TMEM254: variants seen among roughly 807,000 people sequenced by gnomAD.
TMEM254 encodes transmembrane protein C10orf57.
A neutral mutation model predicts 13.9 loss-of-function variants in TMEM254; 16 were observed. The observed-to-expected ratio is 1.15, with a 90% CI of 0.78 to 1.75. The LOEUF is 1.75. TMEM254 is among the 40% of genes most tolerant of loss of function. The pLI is 0.00. For missense variants in TMEM254, 155 were observed against 149.0 expected (o/e 1.04, Z -0.21); for synonymous variants, 61 against 56.4 (o/e 1.08, Z -0.36).
At chr10:80,088,202 G>T (rs904098689) in intron 3 of TMEM254, among the ~76,000 whole-genome samples, 4 of 151,798 alleles carry the variant, frequency 2.6e-5, no homozygotes, top group African/African-American at 9.7e-5. Context: ...TGTTCCATTG[G>T]CCTGTTTATC....
At chr10:80,080,198 T>C (rs1843915128) in intron 1 of TMEM254, among the ~76,000 whole-genome samples, 2 of 152,240 alleles carry the variant, frequency 1.3e-5, no homozygotes, top group South Asian at 4.1e-4. Context: ...AGCTGGCAGA[T>C]GCTCCCCTTT....
intron 1 of TMEM254, 115 bp downstream of exon 1, chr10:80,078,901 C>A: frequency 6.6e-7 from 1 of 1,521,928 alleles, no homozygotes; most frequent in Non-Finnish European, 8.9e-7. Flanking sequence ...ACAATCCCGA[C>A]TCCCGCGCGC....
At chr10:80,084,690 G>A (rs1397318970) in intron 3 of TMEM254, among the ~76,000 whole-genome samples, 1 of 152,160 alleles carries the variant, frequency 6.6e-6, no homozygotes, top group Non-Finnish European at 1.5e-5. Flanking sequence ...CTGCAGCATC[G>A]CAGTAGAATC....
rs974693946 is a variant in TMEM254 at position 80,090,854 on chromosome 10, C to A, written c.309C>A (p.Phe103Leu). Residue 103 changes from phenylalanine to leucine, a missense_variant, in exon 4 of 4, where the codon TTC becomes TTA. By Grantham distance (22) the Phe-to-Leu change is conservative. Coordinates refer to ENST00000372281, the MANE Select transcript of TMEM254 (RefSeq NM_025125.4). ...TACTCTGGTTCCTACAGACTTTCTT[C>A]TTTGGGATAGCGTCTCTCACCATCT... ...AQLLWFLQTF[F>L]FGIASLTILI... 3.1e-6 allele frequency: 5 copies of A among 1,614,050 alleles called. No individual in the cohort carries two copies. In the Admixed American group the frequency reaches 8.3e-5, roughly 27 times the overall value.
chr10:80,078,877 G>A, intron 1 of TMEM254, 91 bp downstream of exon 1: 2 of 1,534,324 alleles, frequency 1.3e-6, no homozygotes, highest in South Asian at 1.2e-5. Context: ...CGGGCCGGGG[G>A]AAGTCGTGCA....
intron 3 of TMEM254, among the ~76,000 whole-genome samples, chr10:80,084,388 A>C (rs1844208757): frequency 1.3e-5 from 2 of 152,140 alleles, no homozygotes; most frequent in Non-Finnish European, 2.9e-5. Context: ...GGTCCCTTTT[A>C]AACCTACTCA....
At position 80,090,953 on chromosome 10, in the gene TMEM254, A is replaced by G; in HGVS notation, c.*36A>G. On this transcript the variant is annotated 3_prime_UTR_variant, in exon 4 of 4. Transcript: ENST00000372281. The stretch of plus-strand genomic sequence containing the variant: ...AAGCTTGCTCTACACTTTTACATTC[A>G]TCCTCACCCTTTTTTTTGTGGGGTA... The G allele has an allele frequency of 6.2e-7, 1 of 1,606,642 alleles. No individual in the cohort carries two copies. Among genetic ancestry groups the G allele is most frequent in the Non-Finnish European group, 8.5e-7 (1 of 1,177,588 alleles).
rs772689268 is a variant in TMEM254 at position 80,081,838 on chromosome 10, C to G, written c.88-3C>G. 6.2e-7 allele frequency: 1 copy of G among 1,614,082 alleles called. No individual in the cohort carries two copies. Among genetic ancestry groups the G allele is most frequent in the South Asian group, 1.1e-5 (1 of 91,042 alleles). On this transcript the variant is annotated splice_region_variant and splice_polypyrimidine_tract_variant and intron_variant, in intron 1 of 3. Coordinates refer to ENST00000372281, the MANE Select transcript of TMEM254 (RefSeq NM_025125.4). ...GTATTCTGTGTCTCTGCTTCTCTTTCAGTGGGTTGTCTTCTGGCCTCAGAG... is the reference window on the plus strand; with the variant it reads ...GTATTCTGTGTCTCTGCTTCTCTTTGAGTGGGTTGTCTTCTGGCCTCAGAG...
rs181229645 is a variant in TMEM254 at position 80,085,965 on chromosome 10, G to T, written c.251+3761G>T. On this transcript the variant is annotated intron_variant, in intron 3 of 3. Transcript: ENST00000372281. ...GGTTTTTAAGGTTTTGCAAAAATTT[G>T]TATGTAGAGTAGATTTTATTACAGT... Among the ~76,000 whole-genome samples, 1,127 of 152,268 alleles carry T rather than the reference G, an allele frequency of 7.4e-3. 3 individuals are homozygous for T. The highest frequency in any genetic ancestry group is 0.013 in the Non-Finnish European group (858 of 68,010).
In TMEM254 at chr10:80,081,892, G is replaced by A. The variant is rs781511089; in HGVS notation, c.139G>A (p.Gly47Ser). 1.2e-6 allele frequency: 2 copies of A among 1,613,998 alleles called. No individual in the cohort carries two copies. Among genetic ancestry groups the A allele is most frequent in the Admixed American group, 1.7e-5 (1 of 59,982 alleles). The change falls in exon 2 of 4, where the codon GGC (glycine) becomes AGC (serine). Residue 47 changes from glycine (G) to serine (S), a missense_variant. By Grantham distance (56) the Gly-to-Ser change is moderately conservative. Transcript: ENST00000372281. ...CCCTTATCAGAACCTTGGGCCCCTG[G>A]GCCCCTTCACTCAGTACTTGGTGGA... ...SIPYQNLGPL[G>S]PFTQYLVDHH... is the part of the protein sequence containing the mutation.
chr10:80,089,752 C>CCT (rs1844487346), intron 3 of TMEM254, among the ~76,000 whole-genome samples: 1 of 152,002 alleles, frequency 6.6e-6, no homozygotes, highest in Non-Finnish European at 1.5e-5. Context: ...GCCTGTAATA[C>CCT]CAGCACTTTG....
intron 1 of TMEM254, among the ~76,000 whole-genome samples, chr10:80,080,478 G>A (rs1466057191): frequency 6.6e-6 from 1 of 152,132 alleles, no homozygotes; most frequent in East Asian, 1.9e-4. Context: ...TCTATGCAGT[G>A]GATCATTCTC....
In TMEM254 at chr10:80,081,777, A is replaced by G. The variant is rs752417685; in HGVS notation, c.88-64A>G. On this transcript the variant is annotated intron_variant, in intron 1 of 3. Transcript: ENST00000372281. Reference sequence around the variant, plus strand: ...TACTGTTTCACAGCCTTTCTCAAAAACAAAAACAAAAAACAGGTTTTAAGT... The same window carrying G: ...TACTGTTTCACAGCCTTTCTCAAAAGCAAAAACAAAAAACAGGTTTTAAGT... 2.5e-6 allele frequency: 4 copies of G among 1,609,312 alleles called. No homozygotes were observed. The Admixed American group carries it at 6.8e-5, about 27-fold the overall frequency.
intron 1 of TMEM254, chr10:80,081,495 C>A: frequency 1.7e-6 from 1 of 604,594 alleles, no homozygotes; most frequent in Admixed American, 3.0e-5. Flanking sequence ...AGTGAGACCC[C>A]ATCTCTATAT....
chr10:80,086,796 G>A (rs1333920147), intron 3 of TMEM254, among the ~76,000 whole-genome samples: 8 of 146,648 alleles, frequency 5.5e-5, no homozygotes, highest in Admixed American at 2.8e-4. Context: ...AGCCGAGATC[G>A]CACGACTGCA....
Position 80,078,772 on chromosome 10 carries a change from T to C in TMEM254, c.73T>C (p.Phe25Leu). The change falls in exon 1 of 4, where the codon TTT becomes CTT. Residue 25 changes from phenylalanine to leucine, a missense_variant. By Grantham distance (22) the Phe-to-Leu change is conservative. Coordinates refer to ENST00000372281, the MANE Select transcript of TMEM254 (RefSeq NM_025125.4). ...CTGGTTCACAGTCATCACCCTCAGC[T>C]TTGGCTACTACACAGTAAGGACAGC... ...LFWFTVITLSFGYYTWVVFWP... is the reference protein window; with the variant it reads ...LFWFTVITLSLGYYTWVVFWP... The C allele has an allele frequency of 6.2e-7, 1 of 1,606,534 alleles. No individual in the cohort carries two copies. The highest frequency in any genetic ancestry group is 1.1e-5 in the South Asian group (1 of 89,738).
intron 1 of TMEM254, 61 bp downstream of exon 1, chr10:80,078,847 G>A: frequency 1.9e-6 from 3 of 1,548,350 alleles, no homozygotes; most frequent in Non-Finnish European, 2.6e-6. Flanking sequence ...GTTCACCCCA[G>A]GACCTGGGCT....
At chr10:80,086,931 C>T (rs1844346155) in intron 3 of TMEM254, among the ~76,000 whole-genome samples, 2 of 150,944 alleles carry the variant, frequency 1.3e-5, no homozygotes. Flanking sequence ...TAATCTCTTT[C>T]ATAATTGGTT....
rs776327426 is a variant in TMEM254, at chr10:80,082,167, C to G, written c.214C>G (p.His72Asp). The change falls in exon 3 of 4, where the codon CAT becomes GAT. Residue 72 changes from histidine to aspartate, a missense_variant. Coordinates refer to ENST00000372281, the MANE Select transcript of TMEM254 (RefSeq NM_025125.4). ...CNGYWLAWLIHVGESLYAIVL... is the reference protein window; with the variant it reads ...CNGYWLAWLIDVGESLYAIVL... Reference sequence around the variant, plus strand: ...CAGGTATTGGCTTGCCTGGCTGATTCATGTGGGAGAGTCCTTGTATGCCAT... The same window carrying G: ...CAGGTATTGGCTTGCCTGGCTGATTGATGTGGGAGAGTCCTTGTATGCCAT... 1.9e-6 allele frequency: 3 copies of G among 1,613,974 alleles called. No individual in the cohort carries two copies. Among genetic ancestry groups the G allele is most frequent in the Admixed American group, 1.7e-5 (1 of 59,986 alleles).
Sources: allele counts gnomAD v4.1 joint callset (sites outside exome capture counted in the v4.1 genomes callset), GRCh38; gene constraint gnomAD v4.1.1; transcripts MANE v1.5; gene names NCBI Gene and HGNC (gene_info 2026-07-23, HGNC 2026-07-21).